Variants in LDB2 observed in about 807,000 individuals in gnomAD.
LDB2 encodes LIM domain-binding protein 2.
A neutral mutation model predicts 44.3 loss-of-function variants in LDB2; 12 were observed. That is an observed-to-expected ratio of 0.27 (90% CI 0.17 to 0.44). LDB2 has a LOEUF of 0.44. LDB2 is among the 20% of genes least tolerant of loss of function. LDB2 has a pLI of 1.00. For missense variants in LDB2, 344 were observed against 473.5 expected, an observed-to-expected ratio of 0.73 and a Z score of 2.54; for synonymous variants, 164 against 174.8, an observed-to-expected ratio of 0.94 and a Z score of 0.49.
chr4:16,647,858 A>G (rs1737207415), intron 2 of LDB2, among the ~76,000 whole-genome samples: 1 of 152,200 alleles, frequency 6.6e-6, no homozygotes, highest in Non-Finnish European at 1.5e-5. Flanking sequence ...GTCCTCCTTG[A>G]AAGAGAAAGA....
chr4:16,895,554 G>T (rs4698164), intron 1 of LDB2, among the ~76,000 whole-genome samples: 33,002 of 151,948 alleles, frequency 0.22, 3,939 homozygotes, highest in Non-Finnish European at 0.26. Flanking sequence ...TTGTGTGTGT[G>T]TGTGTGTGAG....
intron 2 of LDB2, among the ~76,000 whole-genome samples, chr4:16,709,150 C>G (rs1348694749): frequency 2.6e-5 from 4 of 151,852 alleles, no homozygotes; most frequent in Non-Finnish European, 1.5e-5. Flanking sequence ...AATAGCTGCT[C>G]AATAAATATT....
chr4:16,716,510 T>G (rs1406505576), intron 2 of LDB2, among the ~76,000 whole-genome samples: 1 of 152,168 alleles, frequency 6.6e-6, no homozygotes, highest in Admixed American at 6.6e-5. Flanking sequence ...GTAGCAATGC[T>G]TTAGTATATG....
chr4:16,578,701 T>C (rs1712920843), intron 5 of LDB2, among the ~76,000 whole-genome samples: 1 of 152,168 alleles, frequency 6.6e-6, no homozygotes, highest in South Asian at 2.1e-4. Flanking sequence ...CATTCCTAAG[T>C]ACCCAAAAGA....
At chr4:16,735,246 G>A (rs283024) in intron 2 of LDB2, among the ~76,000 whole-genome samples, 75,553 of 151,896 alleles carry the variant, frequency 0.5, 18,999 homozygotes, top group East Asian at 0.78. Flanking sequence ...TGGGAGACAG[G>A]AAGGGAGATG....
chr4:16,812,373 A>G (rs1013322174), intron 1 of LDB2, among the ~76,000 whole-genome samples: 1 of 152,130 alleles, frequency 6.6e-6, no homozygotes, highest in Non-Finnish European at 1.5e-5. Flanking sequence ...TAAGAGGCAC[A>G]GATATTAATT....
intron 1 of LDB2, among the ~76,000 whole-genome samples, chr4:16,815,403 AT>A (rs1390891885): frequency 2.0e-5 from 3 of 152,228 alleles, no homozygotes; most frequent in African/African-American, 7.2e-5. Flanking sequence ...CACAATCCAA[AT>A]TTCACTGGAG....
chr4:16,625,046 T>C (rs1329012107), intron 2 of LDB2, among the ~76,000 whole-genome samples: 1 of 152,144 alleles, frequency 6.6e-6, no homozygotes, highest in Admixed American at 6.5e-5. Flanking sequence ...GACTCCTTAA[T>C]GTGACTTGCA....
chr4:16,502,336 A>C lies in LDB2; in HGVS notation c.*307T>G, dbSNP rs1267552474. 3 of 338,248 alleles carry C rather than the reference A, an allele frequency of 8.9e-6. No individual in the cohort carries two copies. The allele number at this position is 338,248 out of a possible 1,614,324, so 21.0% of individuals were successfully genotyped here. On this transcript the variant is annotated 3_prime_UTR_variant, in exon 8 of 8. Transcript: ENST00000304523. ...GTTTGATGCATAAAAAGGAAATTCA[A>C]CACAAACACGTTGTTAAAACCGTGC...
chr4:16,754,525 A>AT (rs1237200033), intron 2 of LDB2, among the ~76,000 whole-genome samples: 4,755 of 140,926 alleles, frequency 0.034, 131 homozygotes, highest in African/African-American at 0.079. Context: ...TGATGGCAGT[A>AT]TTTTTTTTTT....
intron 2 of LDB2, among the ~76,000 whole-genome samples, chr4:16,646,735 A>C (rs189593883): frequency 6.6e-6 from 1 of 152,280 alleles, no homozygotes; most frequent in South Asian, 2.1e-4. Flanking sequence ...TATCACAACA[A>C]ATGCTAACCC....
intron 2 of LDB2, among the ~76,000 whole-genome samples, chr4:16,723,564 T>C (rs2152685977): frequency 6.6e-6 from 1 of 152,246 alleles, no homozygotes; most frequent in South Asian, 2.1e-4. Flanking sequence ...ATTTAAACCA[T>C]ATCACTTCCT....
rs143634039 is a variant in LDB2 at position 16,567,023 on chromosome 4, T to C, written c.615+18899A>G. ...AAGTGGGAAAATAGTCATTTTCATA[T>C]GCTGCTGGTGTAACTGAAACTTGGT... On this transcript the variant is annotated intron_variant, in intron 5 of 7. Coordinates refer to ENST00000304523, the MANE Select transcript of LDB2 (RefSeq NM_001290.5). 7.0e-3 allele frequency among the ~76,000 whole-genome samples: 1,065 copies of C among 152,332 alleles called. 9 individuals are homozygous for C. Among genetic ancestry groups the C allele is most frequent in the South Asian group, 0.013 (62 of 4,832 alleles).
At position 16,868,379 on chromosome 4, in the gene LDB2, A is replaced by G. The variant is rs1270157204; in HGVS notation, c.132+29975T>C. Among the ~76,000 whole-genome samples the G allele has an allele frequency of 2.6e-5, 4 of 152,186 alleles. No individual in the cohort carries two copies. The East Asian group carries it at 7.7e-4, about 29-fold the overall frequency. On this transcript the variant is annotated intron_variant, in intron 1 of 7. Coordinates refer to ENST00000304523, the MANE Select transcript of LDB2 (RefSeq NM_001290.5). ...CAGCATTGTCAGAATGCAAATTAAC[A>G]TCTGCTGACGGGGGTGTATTTTGCT... is the stretch of plus-strand genomic sequence containing the variant.
chr4:16,613,127 T>C (rs1360348604), intron 2 of LDB2, among the ~76,000 whole-genome samples: 4 of 152,196 alleles, frequency 2.6e-5, no homozygotes, highest in Non-Finnish European at 5.9e-5. Flanking sequence ...ATTATTTCAA[T>C]AGATGCAGAA....
chr4:16,730,844 C>T (rs913619058), intron 2 of LDB2, among the ~76,000 whole-genome samples: 4 of 150,490 alleles, frequency 2.7e-5, no homozygotes, highest in African/African-American at 4.8e-5. Flanking sequence ...AGCTCCTATA[C>T]CCTACTTCTG....
chr4:16,794,115 C>T (rs1275964539), intron 1 of LDB2, among the ~76,000 whole-genome samples: 2 of 152,106 alleles, frequency 1.3e-5, no homozygotes, highest in African/African-American at 4.8e-5. Context: ...CAAAACAGGG[C>T]CTTCTTGGAG....
intron 2 of LDB2, among the ~76,000 whole-genome samples, chr4:16,746,648 A>G (rs1009996547): frequency 1.3e-5 from 2 of 152,094 alleles, no homozygotes; most frequent in Non-Finnish European, 2.9e-5. Context: ...TTAGCTGGGC[A>G]TGGTGGCACG....
intron 1 of LDB2, among the ~76,000 whole-genome samples, chr4:16,887,043 A>T: frequency 6.9e-6 from 1 of 144,628 alleles, no homozygotes; most frequent in East Asian, 2.0e-4. Context: ...AAAAAAAAAA[A>T]AAAAAAAAAA....
Sources: allele counts gnomAD v4.1 joint callset (sites outside exome capture counted in the v4.1 genomes callset), GRCh38; gene constraint gnomAD v4.1.1; transcripts MANE v1.5; gene names NCBI Gene and HGNC (gene_info 2026-07-23, HGNC 2026-07-21).